The following ARB2A variants were observed in gnomAD, a reference collection of about 807,000 sequenced individuals.
ARB2A encodes cotranscriptional regulator ARB2A.
the ARB2A span, among the ~76,000 whole-genome samples, chr5:94,026,449 G>T: frequency 6.6e-6 from 1 of 152,120 alleles, no homozygotes; most frequent in African/African-American, 2.4e-5. Flanking sequence ...ACAGTTCTCA[G>T]TGGAGAAAGG....
chr5:93,681,761 A>C, the ARB2A span, among the ~76,000 whole-genome samples: 1 of 152,196 alleles, frequency 6.6e-6, no homozygotes, highest in African/African-American at 2.4e-5. Flanking sequence ...TTTTGTACTT[A>C]ATAGTGTCAT....
chr5:93,985,569 G>A, the ARB2A span, among the ~76,000 whole-genome samples: 13 of 152,224 alleles, frequency 8.5e-5, no homozygotes, highest in East Asian at 1.9e-4. Flanking sequence ...GATTGCAGGC[G>A]CGCGCCGCCA....
the ARB2A span, among the ~76,000 whole-genome samples, chr5:93,632,278 C>T: frequency 6.6e-6 from 1 of 152,192 alleles, no homozygotes; most frequent in African/African-American, 2.4e-5. Context: ...GGGTGAAGAA[C>T]ACTTTTGACT....
chr5:94,064,669 C>A, the ARB2A span, among the ~76,000 whole-genome samples: 176 of 152,258 alleles, frequency 1.2e-3, 1 homozygote, highest in African/African-American at 3.8e-3. Flanking sequence ...CGGGCCAAGA[C>A]GAAATGGGAT....
At chr5:93,859,000 A>G in the ARB2A span, among the ~76,000 whole-genome samples, 27 of 152,280 alleles carry the variant, frequency 1.8e-4, no homozygotes, top group African/African-American at 4.8e-4. Flanking sequence ...CAAATACTGC[A>G]GGTTCTATAA....
the ARB2A span, among the ~76,000 whole-genome samples, chr5:93,935,186 C>T: frequency 6.6e-6 from 1 of 152,022 alleles, no homozygotes; most frequent in Non-Finnish European, 1.5e-5. Flanking sequence ...CACTACAAAA[C>T]GCAATCATGT....
At chr5:94,055,633 T>C in the ARB2A span, 1 of 985,302 alleles carries the variant, frequency 1.0e-6, no homozygotes, top group Non-Finnish European at 1.2e-6. Context: ...ATGTTGACAA[T>C]TCTTCATTCA....
chr5:93,830,628 T>C, the ARB2A span, among the ~76,000 whole-genome samples: 1 of 151,894 alleles, frequency 6.6e-6, no homozygotes. Flanking sequence ...TGTATACTGT[T>C]GGGATCCTAT....
the ARB2A span, among the ~76,000 whole-genome samples, chr5:93,955,974 C>T: frequency 6.6e-6 from 1 of 152,218 alleles, no homozygotes; most frequent in Non-Finnish European, 1.5e-5. Context: ...GTATGAGTAA[C>T]TCTAAAGCTG....
chr5:94,076,616 T>C, the ARB2A span, among the ~76,000 whole-genome samples: 3 of 152,242 alleles, frequency 2.0e-5, no homozygotes, highest in Non-Finnish European at 4.4e-5. Context: ...AAGGGATATA[T>C]ATTTCCATTC....
chr5:93,831,743 A>ACAGTTGTTT, the ARB2A span, among the ~76,000 whole-genome samples: 1 of 152,214 alleles, frequency 6.6e-6, no homozygotes, highest in African/African-American at 2.4e-5. Context: ...CTAAGAACCA[A>ACAGTTGTTT]CAGTTGTTTC....
the ARB2A span, among the ~76,000 whole-genome samples, chr5:94,020,181 CAT>C: frequency 6.7e-6 from 1 of 149,440 alleles, no homozygotes; most frequent in Non-Finnish European, 1.5e-5. Flanking sequence ...CCAAACACCA[CAT>C]GTTCTCACTC....
At chr5:94,025,613 G>A in the ARB2A span, among the ~76,000 whole-genome samples, 2 of 152,188 alleles carry the variant, frequency 1.3e-5, no homozygotes, top group Non-Finnish European at 2.9e-5. Context: ...CAATAGCAGT[G>A]AAGATGGAGA....
At chr5:93,699,353 A>C in the ARB2A span, among the ~76,000 whole-genome samples, 1 of 152,324 alleles carries the variant, frequency 6.6e-6, no homozygotes, top group East Asian at 1.9e-4. Context: ...TTGGTTCGCA[A>C]AAAAGTTTTT....
chr5:93,838,989 G>GGATA, the ARB2A span, among the ~76,000 whole-genome samples: 1 of 152,054 alleles, frequency 6.6e-6, no homozygotes, highest in African/African-American at 2.4e-5. Flanking sequence ...CTGCACACAG[G>GGATA]GATAGTTTGA....
chr5:94,087,375 C>T, the ARB2A span, among the ~76,000 whole-genome samples: 24 of 151,872 alleles, frequency 1.6e-4, no homozygotes, highest in Non-Finnish European at 2.9e-4. Flanking sequence ...CACTGCACTC[C>T]ACCTGGGCAG....
the ARB2A span, among the ~76,000 whole-genome samples, chr5:93,722,695 A>G: frequency 7.9e-5 from 12 of 152,280 alleles, 1 homozygote; most frequent in South Asian, 1.7e-3. Context: ...GCCAGATACT[A>G]GAAGAAAGGG....
the ARB2A span, among the ~76,000 whole-genome samples, chr5:94,110,248 A>G: frequency 6.6e-6 from 1 of 151,468 alleles, no homozygotes; most frequent in South Asian, 2.1e-4. Context: ...GTCTCCATCC[A>G]CTAGAATGTA....
chr5:93,667,830 A>G, the ARB2A span, among the ~76,000 whole-genome samples: 1 of 152,150 alleles, frequency 6.6e-6, no homozygotes, highest in Admixed American at 6.5e-5. Context: ...TTTATAGGTA[A>G]ATTCATATCA....
Sources: gnomAD v4.1 joint callset for allele counts (sites outside exome capture counted in the v4.1 genomes callset) on GRCh38, gnomAD v4.1.1 for gene constraint, MANE v1.5 for transcripts, NCBI Gene and HGNC (gene_info 2026-07-23, HGNC 2026-07-21) for gene names.